The following GALNTL6 variants were observed in gnomAD, a reference collection of about 807,000 sequenced individuals.
GALNTL6 encodes the protein polypeptide N-acetylgalactosaminyltransferase like 6.
In GALNTL6, 46 loss-of-function variants were observed where a neutral mutation model predicts 73.7. The ratio of observed to expected loss-of-function variants is 0.62; its 90% CI spans 0.49 to 0.80. GALNTL6 has a LOEUF of 0.80. Among genes scored for constraint, GALNTL6 ranks in the 30% least tolerant of loss-of-function variants. The pLI is 0.00. For missense variants in GALNTL6, 604 were observed against 755.0 expected (o/e 0.80, Z 2.34); for synonymous variants, 259 against 263.7 (o/e 0.98, Z 0.17).
At chr4:172,051,126 G>A (rs569068704) in intron 2 of GALNTL6, among the ~76,000 whole-genome samples, 1 of 152,250 alleles carries the variant, frequency 6.6e-6, no homozygotes, top group South Asian at 2.1e-4. Flanking sequence ...TACAGGATGT[G>A]TGACAGGGGT....
rs147721745 is a variant in GALNTL6 at position 172,267,569 on chromosome 4, G to T, written c.247+37805G>T. ...AATTGGTGTCTCTAGCACCAAGGGA[G>T]CTAGAATCTATTTCTTTCCTACCTG... On this transcript the variant is annotated intron_variant, in intron 3 of 12. Transcript: ENST00000506823. Among the ~76,000 whole-genome samples the T allele has an allele frequency of 9.2e-3, 1,399 of 152,158 alleles. 18 individuals are homozygous for T. The highest frequency in any genetic ancestry group is 0.015 in the Non-Finnish European group (989 of 67,980).
intron 4 of GALNTL6, among the ~76,000 whole-genome samples, chr4:172,330,847 A>G (rs1161489614): frequency 1.3e-5 from 2 of 152,064 alleles, no homozygotes; most frequent in Admixed American, 6.6e-5. Flanking sequence ...CTGCTGACTT[A>G]CTGTTAGTTT....
intron 5 of GALNTL6, among the ~76,000 whole-genome samples, chr4:172,601,315 T>C (rs138571151): frequency 3.9e-5 from 6 of 152,254 alleles, no homozygotes; most frequent in African/African-American, 1.2e-4. Context: ...GAAACTCATG[T>C]TGAAATTTGA....
At chr4:172,746,117 A>G (rs2110759933) in intron 5 of GALNTL6, among the ~76,000 whole-genome samples, 1 of 152,204 alleles carries the variant, frequency 6.6e-6, no homozygotes, top group Non-Finnish European at 1.5e-5. Flanking sequence ...TGCCTAGTAA[A>G]CCTGCAATTT....
At chr4:172,156,506 G>A (rs1041264416) in intron 2 of GALNTL6, among the ~76,000 whole-genome samples, 29 of 131,926 alleles carry the variant, frequency 2.2e-4, no homozygotes, top group Non-Finnish European at 3.8e-4. Flanking sequence ...TTCCACCTAG[G>A]CAGATATTTG....
intron 5 of GALNTL6, among the ~76,000 whole-genome samples, chr4:172,644,970 A>G (rs1740171269): frequency 6.6e-6 from 1 of 151,984 alleles, no homozygotes; most frequent in Non-Finnish European, 1.5e-5. Context: ...AACTTTTCAT[A>G]TGCATAATGA....
intron 10 of GALNTL6, among the ~76,000 whole-genome samples, chr4:173,007,507 A>G (rs1752355263): frequency 6.6e-6 from 1 of 152,174 alleles, no homozygotes; most frequent in Admixed American, 6.5e-5. Context: ...ACCTTCAAGC[A>G]GGAAGATATG....
At chr4:172,185,565 A>T (rs1735391495) in intron 2 of GALNTL6, among the ~76,000 whole-genome samples, 1 of 152,234 alleles carries the variant, frequency 6.6e-6, no homozygotes, top group South Asian at 2.1e-4. Context: ...GAGGCAGATA[A>T]ATCATCTTTT....
At chr4:172,591,294 A>C (rs930088331) in intron 5 of GALNTL6, among the ~76,000 whole-genome samples, 3 of 152,246 alleles carry the variant, frequency 2.0e-5, no homozygotes, top group African/African-American at 7.2e-5. Context: ...GAGATTAAAA[A>C]TTGTTAGGCC....
intron 2 of GALNTL6, among the ~76,000 whole-genome samples, chr4:172,069,621 T>TATATATGTTATCTATAACAC (rs1731495317): frequency 1.1e-5 from 1 of 90,574 alleles, no homozygotes; most frequent in African/African-American, 4.0e-5. Context: ...ATATATAACA[T>TATATATGTTATCTATAACAC]ATATATATAT....
At chr4:171,950,287 A>G (rs1183814659) in intron 2 of GALNTL6, among the ~76,000 whole-genome samples, 1 of 152,162 alleles carries the variant, frequency 6.6e-6, no homozygotes, top group East Asian at 1.9e-4. Flanking sequence ...ATGATAAGGA[A>G]TGTACTTAGG....
intron 12 of GALNTL6, among the ~76,000 whole-genome samples, chr4:173,035,274 G>A (rs901009741): frequency 3.3e-5 from 5 of 151,758 alleles, no homozygotes; most frequent in Non-Finnish European, 7.4e-5. Flanking sequence ...CGCCTCCCAG[G>A]TTCAAGCAAT....
At chr4:171,851,887 A>G (rs1735533776) in intron 2 of GALNTL6, among the ~76,000 whole-genome samples, 1 of 152,222 alleles carries the variant, frequency 6.6e-6, no homozygotes, top group Non-Finnish European at 1.5e-5. Flanking sequence ...AAGATTTAGA[A>G]TATAAACTCT....
At chr4:172,818,680 C>T (rs1229131976) in intron 7 of GALNTL6, among the ~76,000 whole-genome samples, 1 of 152,158 alleles carries the variant, frequency 6.6e-6, no homozygotes, top group African/African-American at 2.4e-5. Flanking sequence ...CTCACTGCAA[C>T]CTCTGCCTCC....
chr4:172,646,514 A>T lies in GALNTL6; in HGVS notation c.554-162847A>T, dbSNP rs191576835. ...TTTGTTGCTACTATATGGAAATACA[A>T]TTAATTTTTATACATAACCCTTGTA... On this transcript the variant is annotated intron_variant, in intron 5 of 12. Transcript: ENST00000506823. Among the ~76,000 whole-genome samples the T allele has an allele frequency of 1.1e-3, 161 of 152,188 alleles. 2 individuals carry two copies. The East Asian group carries it at 0.028, about 26-fold the overall frequency.
Position 172,706,731 on chromosome 4 carries a change from G to A in GALNTL6, c.554-102630G>A, listed in dbSNP as rs561927392. ...GAATACTGCACATCTCAGACTGCGGGGATCCCAGTGGGGATACCCTGGCTG... is the reference window on the plus strand; with the variant it reads ...GAATACTGCACATCTCAGACTGCGGAGATCCCAGTGGGGATACCCTGGCTG... On this transcript the variant is annotated intron_variant, in intron 5 of 12. Coordinates refer to ENST00000506823, the MANE Select transcript of GALNTL6 (RefSeq NM_001034845.3). 9.6e-4 allele frequency among the ~76,000 whole-genome samples: 146 copies of A among 152,196 alleles called. 1 individual carries two copies. Among genetic ancestry groups the A allele is most frequent in the South Asian group, 1.2e-3 (6 of 4,816 alleles).
At chr4:172,828,953 T>G (rs146028631) in intron 7 of GALNTL6, among the ~76,000 whole-genome samples, 2 of 152,296 alleles carry the variant, frequency 1.3e-5, no homozygotes, top group African/African-American at 4.8e-5. Flanking sequence ...TAAGTCAAGG[T>G]GTCGGCGGAG....
At chr4:171,898,131 A>G (rs1262975644) in intron 2 of GALNTL6, among the ~76,000 whole-genome samples, 1 of 152,118 alleles carries the variant, frequency 6.6e-6, no homozygotes, top group Admixed American at 6.5e-5. Context: ...AAAGCTGCTT[A>G]CCATCACTAT....
intron 5 of GALNTL6, among the ~76,000 whole-genome samples, chr4:172,625,830 A>G (rs957264087): frequency 6.6e-6 from 1 of 152,022 alleles, no homozygotes; most frequent in African/African-American, 2.4e-5. Context: ...TTCTTTTGAG[A>G]AGTATCTGTT....
Sources: gnomAD v4.1 joint callset for allele counts (sites outside exome capture counted in the v4.1 genomes callset) on GRCh38, gnomAD v4.1.1 for gene constraint, MANE v1.5 for transcripts, NCBI Gene and HGNC (gene_info 2026-07-23, HGNC 2026-07-21) for gene names.